Variants in RBFOX1 observed in about 807,000 individuals in gnomAD.
RBFOX1 encodes RNA binding protein fox-1 homolog 1.
Under a neutral mutation model 57.7 loss-of-function variants are expected in RBFOX1, and 8 were observed. That is an observed-to-expected ratio of 0.14 (90% CI 0.08 to 0.25). The LOEUF (loss-of-function observed/expected upper bound fraction) is 0.25. Among genes scored for constraint, RBFOX1 ranks in the 10% least tolerant of loss-of-function variants. The pLI is 1.00. For missense variants in RBFOX1, 611 were observed against 548.5 expected (o/e 1.11, Z -1.14); for synonymous variants, 326 against 222.4 (o/e 1.47, Z -4.15).
intron 2 of RBFOX1, among the ~76,000 whole-genome samples, chr16:5,498,389 A>G (rs915747449): frequency 4.6e-5 from 7 of 152,134 alleles, no homozygotes; most frequent in African/African-American, 2.4e-5. Context: ...AGTTATCTAC[A>G]TGCCTCAGCC....
chr16:5,469,746 A>C (rs1398338134), intron 2 of RBFOX1, among the ~76,000 whole-genome samples: 1 of 152,214 alleles, frequency 6.6e-6, no homozygotes, highest in African/African-American at 2.4e-5. Flanking sequence ...ATTTTATATA[A>C]ATGGAATTGT....
intron 4 of RBFOX1, among the ~76,000 whole-genome samples, chr16:6,001,811 G>C (rs924774512): frequency 4.6e-5 from 7 of 152,168 alleles, no homozygotes; most frequent in Admixed American, 1.3e-4. Flanking sequence ...ACTAAAGCCT[G>C]GGAAACACTG....
chr16:7,374,362 C>A (rs1038529802), intron 4 of RBFOX1, among the ~76,000 whole-genome samples: 5 of 152,150 alleles, frequency 3.3e-5, no homozygotes, highest in African/African-American at 9.7e-5. Flanking sequence ...TCCTGTCTGT[C>A]CTCCCTACAG....
chr16:7,320,618 A>T (rs748820867), intron 4 of RBFOX1, among the ~76,000 whole-genome samples: 1 of 152,214 alleles, frequency 6.6e-6, no homozygotes, highest in Non-Finnish European at 1.5e-5. Flanking sequence ...CTTAAGCAAA[A>T]ATGGGGATTT....
At chr16:6,797,518 G>A (rs1235973725) in intron 3 of RBFOX1, among the ~76,000 whole-genome samples, 1 of 152,140 alleles carries the variant, frequency 6.6e-6, no homozygotes, top group Non-Finnish European at 1.5e-5. Flanking sequence ...TCAGGTTCCT[G>A]TGACATCATT....
intron 3 of RBFOX1, among the ~76,000 whole-genome samples, chr16:6,700,012 C>A (rs1161695478): frequency 6.6e-6 from 1 of 152,076 alleles, no homozygotes; most frequent in East Asian, 1.9e-4. Flanking sequence ...TTCAGGGTAT[C>A]TTTTCCTTCT....
chr16:7,163,262 G>C (rs1221985696), intron 4 of RBFOX1, among the ~76,000 whole-genome samples: 1 of 152,048 alleles, frequency 6.6e-6, no homozygotes, highest in Non-Finnish European at 1.5e-5. Flanking sequence ...TGTTTGATTT[G>C]GACGAAGGGG....
chr16:6,695,708 C>G (rs1302923605), intron 3 of RBFOX1, among the ~76,000 whole-genome samples: 1 of 152,194 alleles, frequency 6.6e-6, no homozygotes, highest in East Asian at 1.9e-4. Flanking sequence ...AAGTGAATGA[C>G]TGTCACTTAT....
At chr16:7,495,508 C>T (rs1263435744) in intron 4 of RBFOX1, among the ~76,000 whole-genome samples, 1 of 152,192 alleles carries the variant, frequency 6.6e-6, no homozygotes, top group Non-Finnish European at 1.5e-5. Context: ...TACTAATAGG[C>T]ATTTTGACTG....
chr16:6,009,646 A>C (rs2094948293), intron 4 of RBFOX1, among the ~76,000 whole-genome samples: 1 of 152,100 alleles, frequency 6.6e-6, no homozygotes, highest in Non-Finnish European at 1.5e-5. Context: ...AGAGAAGGGA[A>C]ATATCCATGC....
chr16:5,461,549 T>C (rs2068788684), intron 1 of RBFOX1, among the ~76,000 whole-genome samples: 1 of 152,242 alleles, frequency 6.6e-6, no homozygotes, highest in African/African-American at 2.4e-5. Context: ...TTAAAGCCTA[T>C]TGGGACATTT....
intron 1 of RBFOX1, among the ~76,000 whole-genome samples, chr16:5,262,556 C>T (rs1322894599): frequency 1.3e-5 from 2 of 152,176 alleles, no homozygotes; most frequent in Non-Finnish European, 2.9e-5. Context: ...GCTGCAGACT[C>T]CAGGACTCCT....
At chr16:5,759,681 G>T (rs1025931501) in intron 3 of RBFOX1, among the ~76,000 whole-genome samples, 2 of 152,162 alleles carry the variant, frequency 1.3e-5, no homozygotes, top group South Asian at 2.1e-4. Context: ...TGAATACCTT[G>T]CAGTGTTTCC....
intron 12 of RBFOX1, 171 bp from the exon 13 acceptor site, chr16:7,664,758 G>C: frequency 8.3e-7 from 1 of 1,200,582 alleles, no homozygotes; most frequent in Non-Finnish European, 1.2e-6. Context: ...AATTTTCTCG[G>C]TTTGCTCAAC....
intron 2 of RBFOX1, among the ~76,000 whole-genome samples, chr16:6,585,585 G>T (rs1021896607): frequency 6.6e-6 from 1 of 152,046 alleles, no homozygotes; most frequent in Non-Finnish European, 1.5e-5. Context: ...GGGCTGGGTA[G>T]GACTCTTCCA....
intron 1 of RBFOX1, among the ~76,000 whole-genome samples, chr16:5,303,517 C>T (rs1356123495): frequency 6.6e-6 from 1 of 152,144 alleles, no homozygotes; most frequent in Admixed American, 6.6e-5. Flanking sequence ...CATTCTGAAA[C>T]CCTGGAGAAA....
Position 5,967,302 on chromosome 16 carries a change from C to T in RBFOX1, c.351+99967C>T, listed in dbSNP as rs189074440. Among the ~76,000 whole-genome samples, 502 of 152,272 alleles carry T rather than the reference C, an allele frequency of 3.3e-3. 2 individuals carry two copies. The highest frequency in any genetic ancestry group is 0.012 in the African/African-American group (486 of 41,554). ...ATGAATAATTTTTATACTATGTATA[C>T]ATTATGTAACATTACTGTGGCTCTT... On this transcript the variant is annotated intron_variant, in intron 4 of 19. Transcript: ENST00000641259.
At chr16:6,748,089 A>G (rs1191942830) in intron 3 of RBFOX1, among the ~76,000 whole-genome samples, 3 of 152,044 alleles carry the variant, frequency 2.0e-5, no homozygotes, top group African/African-American at 7.2e-5. Flanking sequence ...TGTTAACTGA[A>G]CTTGTATATG....
intron 1 of RBFOX1, among the ~76,000 whole-genome samples, chr16:6,133,783 G>C (rs868271025): frequency 2.5e-4 from 38 of 152,170 alleles, no homozygotes; most frequent in Middle Eastern, 6.8e-3. Flanking sequence ...TCCTGCCACA[G>C]GGTCTTTGCC....
Sources: allele counts gnomAD v4.1 joint callset (sites outside exome capture counted in the v4.1 genomes callset), GRCh38; gene constraint gnomAD v4.1.1; transcripts MANE v1.5; gene names NCBI Gene and HGNC (gene_info 2026-07-23, HGNC 2026-07-21).